Variants in SPMIP10 observed in about 807,000 individuals in gnomAD.
SPMIP10 encodes the protein sperm microtubule inner protein 10.
At chr5:126,635,075 G>A in the SPMIP10 span, among the ~76,000 whole-genome samples, 1 of 151,698 alleles carries the variant, frequency 6.6e-6, no homozygotes, top group African/African-American at 2.4e-5. Flanking sequence ...GGCTGAGGCA[G>A]GAGGATTGCT....
the SPMIP10 span, chr5:126,636,047 G>A: frequency 1.2e-6 from 2 of 1,613,430 alleles, no homozygotes; most frequent in South Asian, 2.2e-5. Context: ...AGAAGTGTGT[G>A]GGATCCATAC....
the SPMIP10 span, chr5:126,636,261 TAA>T: frequency 3.1e-6 from 5 of 1,587,438 alleles, no homozygotes; most frequent in Non-Finnish European, 4.3e-6. Flanking sequence ...AATAAAATAA[TAA>T]AGTGTTTCAA....
chr5:126,631,801 C>G, the SPMIP10 span: 13 of 1,608,526 alleles, frequency 8.1e-6, no homozygotes, highest in East Asian at 2.2e-5. Context: ...TGATGAGAGT[C>G]TCTATAAATC....
At chr5:126,633,016 T>TATATATATATATATAC in the SPMIP10 span, among the ~76,000 whole-genome samples, 7 of 144,876 alleles carry the variant, frequency 4.8e-5, no homozygotes, top group African/African-American at 1.8e-4. Flanking sequence ...TACATATATA[T>TATATATATATATATAC]ATATATATAT....
the SPMIP10 span, among the ~76,000 whole-genome samples, chr5:126,632,849 T>C: frequency 3.3e-5 from 5 of 151,682 alleles, no homozygotes; most frequent in African/African-American, 1.2e-4. Context: ...TAGCTGGGCA[T>C]GGTGGCGGGC....
the SPMIP10 span, among the ~76,000 whole-genome samples, chr5:126,632,245 C>T: frequency 1.1e-5 from 1 of 92,186 alleles, no homozygotes; most frequent in Admixed American, 1.4e-4. Flanking sequence ...CATGATAATG[C>T]ACTCCATCTC....
At chr5:126,631,897 CTT>C in the SPMIP10 span, 1 of 873,954 alleles carries the variant, frequency 1.1e-6, no homozygotes, top group Admixed American at 1.9e-5. Flanking sequence ...CGGTCAATAA[CTT>C]TGTGTTCCCC....
At chr5:126,634,651 G>C in the SPMIP10 span, among the ~76,000 whole-genome samples, 2 of 151,982 alleles carry the variant, frequency 1.3e-5, no homozygotes, top group Non-Finnish European at 1.5e-5. Flanking sequence ...ACTTATTCTT[G>C]ACCTTACTTT....
the SPMIP10 span, among the ~76,000 whole-genome samples, chr5:126,634,110 G>C: frequency 6.6e-6 from 1 of 152,168 alleles, no homozygotes. Context: ...CAAAATAATT[G>C]AAAGCAGGGA....
the SPMIP10 span, among the ~76,000 whole-genome samples, chr5:126,633,184 T>C: frequency 2.0e-4 from 30 of 152,086 alleles, no homozygotes; most frequent in African/African-American, 7.2e-4. Context: ...TCATGCTATC[T>C]TGCAGTTGTT....
At chr5:126,633,023 AT>A in the SPMIP10 span, among the ~76,000 whole-genome samples, 5 of 145,972 alleles carry the variant, frequency 3.4e-5, no homozygotes, top group African/African-American at 1.0e-4. Flanking sequence ...ATATATATAT[AT>A]ATATATATAA....
the SPMIP10 span, among the ~76,000 whole-genome samples, chr5:126,634,778 G>A: frequency 1.3e-5 from 2 of 152,276 alleles, no homozygotes; most frequent in East Asian, 3.9e-4. Context: ...TGCCCACACT[G>A]AGTAAATGCT....
the SPMIP10 span, among the ~76,000 whole-genome samples, chr5:126,634,097 G>A: frequency 6.6e-6 from 1 of 152,168 alleles, no homozygotes; most frequent in Non-Finnish European, 1.5e-5. Context: ...CTAAGTATAT[G>A]CTCAAAATAA....
chr5:126,633,116 A>G, the SPMIP10 span, among the ~76,000 whole-genome samples: 1 of 151,214 alleles, frequency 6.6e-6, no homozygotes, highest in Non-Finnish European at 1.5e-5. Context: ...CAAATGTTAA[A>G]TAGTAATATC....
chr5:126,632,450 C>A, the SPMIP10 span: 1 of 723,430 alleles, frequency 1.4e-6, no homozygotes, highest in Non-Finnish European at 2.5e-6. Flanking sequence ...CAGCAGGGGA[C>A]CAAACATGAA....
At chr5:126,631,723 T>C in the SPMIP10 span, 11 of 1,571,010 alleles carry the variant, frequency 7.0e-6, no homozygotes, top group Middle Eastern at 1.7e-4. Flanking sequence ...ATTCCATCCA[T>C]TGCTGTCAGG....
the SPMIP10 span, chr5:126,631,879 C>T: frequency 2.0e-6 from 2 of 1,024,736 alleles, no homozygotes; most frequent in Non-Finnish European, 3.1e-6. Flanking sequence ...CTGGGAGCCA[C>T]AAAGATACGG....
the SPMIP10 span, among the ~76,000 whole-genome samples, chr5:126,634,668 A>T: frequency 2.0e-5 from 3 of 152,220 alleles, no homozygotes; most frequent in Non-Finnish European, 2.9e-5. Context: ...CTTTTAGAGT[A>T]TAATTCAGCA....
At chr5:126,633,662 CTTTATTTA>C in the SPMIP10 span, among the ~76,000 whole-genome samples, 1 of 151,838 alleles carries the variant, frequency 6.6e-6, no homozygotes, top group African/African-American at 2.4e-5. Flanking sequence ...ACCGGGCCTA[CTTTATTTA>C]TTTATTTAGA....
Sources: allele counts gnomAD v4.1 joint callset (sites outside exome capture counted in the v4.1 genomes callset), GRCh38; gene constraint gnomAD v4.1.1; transcripts MANE v1.5; gene names NCBI Gene and HGNC (gene_info 2026-07-23, HGNC 2026-07-21).